The following PLCH1 variants were observed in gnomAD, a reference collection of about 807,000 sequenced individuals.
The protein encoded by PLCH1 is phospholipase C eta 1, also known as 1-phosphatidylinositol 4,5-bisphosphate phosphodiesterase eta-1.
PLCH1 carries 60 observed loss-of-function variants against 126.7 expected under a neutral mutation model. The observed-to-expected ratio is 0.47, with a 90% CI of 0.38 to 0.59. The LOEUF (loss-of-function observed/expected upper bound fraction) is 0.59, where lower values mean the gene tolerates loss of function less well. PLCH1 is among the 20% of genes least tolerant of loss of function. The pLI is 0.00. For synonymous variants in PLCH1, 719 were observed against 734.9 expected (o/e 0.98, Z 0.35); for missense variants, 1,723 against 2,040.0 (o/e 0.84, Z 2.99).
intron 21 of PLCH1, among the ~76,000 whole-genome samples, chr3:155,455,900 C>T (rs1200922092): frequency 2.6e-5 from 4 of 152,180 alleles, no homozygotes; most frequent in African/African-American, 9.7e-5. Flanking sequence ...CAAATGAGGA[C>T]TGATAAGCCC....
chr3:155,454,765 GC>G (rs1462832377), intron 21 of PLCH1, among the ~76,000 whole-genome samples: 2 of 152,158 alleles, frequency 1.3e-5, no homozygotes, highest in African/African-American at 4.8e-5. Flanking sequence ...AGAAGTCAAA[GC>G]TTTTTTTAAT....
At chr3:155,451,925 C>T (rs1267483874) in intron 21 of PLCH1, among the ~76,000 whole-genome samples, 1 of 152,164 alleles carries the variant, frequency 6.6e-6, no homozygotes, top group Non-Finnish European at 1.5e-5. Flanking sequence ...TATGTACCAT[C>T]AGCTCTTCTG....
chr3:155,492,045 C>A (rs183098691), intron 18 of PLCH1, among the ~76,000 whole-genome samples: 2 of 152,186 alleles, frequency 1.3e-5, no homozygotes, highest in South Asian at 2.1e-4. Flanking sequence ...GCATTTATGG[C>A]GGTACCAAAT....
chr3:155,721,903 C>A (rs138731195), intron 1 of PLCH1, among the ~76,000 whole-genome samples: 1 of 151,908 alleles, frequency 6.6e-6, no homozygotes, highest in Non-Finnish European at 1.5e-5. Context: ...CAAAATTAGC[C>A]GGGCATGGTG....
At chr3:155,566,693 A>C (rs1175906479) in intron 7 of PLCH1, among the ~76,000 whole-genome samples, 1 of 152,178 alleles carries the variant, frequency 6.6e-6, no homozygotes, top group Non-Finnish European at 1.5e-5. Context: ...ACTTTGAAAT[A>C]GTCCTTTAAG....
chr3:155,558,290 C>T lies in PLCH1; in HGVS notation c.1070-4094G>A, dbSNP rs576289452. ...GGACCTGAAATTTTCAACCCATGACCGGCTACATTCTATAAATTGTGTTCT... is the reference window on the plus strand; with the variant it reads ...GGACCTGAAATTTTCAACCCATGACTGGCTACATTCTATAAATTGTGTTCT... On this transcript the variant is annotated intron_variant, in intron 8 of 22. Transcript: ENST00000460012. 4.6e-5 allele frequency among the ~76,000 whole-genome samples: 7 copies of T among 152,286 alleles called. No homozygotes were observed. The South Asian group carries it at 6.2e-4, about 14-fold the overall frequency.
intron 10 of PLCH1, among the ~76,000 whole-genome samples, chr3:155,534,082 T>C (rs947799782): frequency 3.9e-5 from 6 of 152,188 alleles, no homozygotes; most frequent in African/African-American, 1.4e-4. Context: ...CACTGTGTAG[T>C]AAAGCTGTGA....
At chr3:155,627,463 T>C (rs1559864753) in intron 2 of PLCH1, among the ~76,000 whole-genome samples, 2 of 108,996 alleles carry the variant, frequency 1.8e-5, no homozygotes, top group African/African-American at 1.1e-4. Context: ...ACCCCGTCTC[T>C]ACCAAAAATA....
intron 2 of PLCH1, among the ~76,000 whole-genome samples, chr3:155,644,524 A>T (rs2108868966): frequency 6.6e-6 from 1 of 152,238 alleles, no homozygotes; most frequent in East Asian, 1.9e-4. Flanking sequence ...AATCACTTGA[A>T]CCTGGGAGGC....
intron 2 of PLCH1, among the ~76,000 whole-genome samples, chr3:155,665,192 C>G (rs1000715366): frequency 6.6e-6 from 1 of 152,234 alleles, no homozygotes; most frequent in Middle Eastern, 3.4e-3. Context: ...CAGAAGCAGC[C>G]TGGGCCGCTG....
At chr3:155,662,069 A>G (rs751470032) in intron 2 of PLCH1, among the ~76,000 whole-genome samples, 10 of 152,206 alleles carry the variant, frequency 6.6e-5, no homozygotes, top group Non-Finnish European at 1.2e-4. Context: ...CATCACCCAC[A>G]TAGTTCAATG....
At chr3:155,586,231 CA>C in intron 4 of PLCH1, 37 bp from the exon 5 acceptor site, 1 of 1,605,196 alleles carries the variant, frequency 6.2e-7, no homozygotes. Flanking sequence ...GTGCTCTCAT[CA>C]AAATTAAAAA....
intron 2 of PLCH1, among the ~76,000 whole-genome samples, chr3:155,643,133 G>C (rs1739600185): frequency 6.6e-6 from 1 of 152,108 alleles, no homozygotes; most frequent in Non-Finnish European, 1.5e-5. Flanking sequence ...ATTTTTAGTA[G>C]AGGCGGGGTT....
intron 2 of PLCH1, among the ~76,000 whole-genome samples, chr3:155,609,260 G>A (rs1338490199): frequency 6.6e-6 from 1 of 152,150 alleles, no homozygotes; most frequent in East Asian, 1.9e-4. Context: ...AGAGCCTGAT[G>A]CCCCACTGGG....
chr3:155,648,612 G>A (rs1740326094), intron 2 of PLCH1, among the ~76,000 whole-genome samples: 2 of 152,160 alleles, frequency 1.3e-5, no homozygotes, highest in Non-Finnish European at 2.9e-5. Context: ...GTATTTCTAG[G>A]TACTGAGAAT....
At chr3:155,485,966 C>T in intron 21 of PLCH1, 1 of 605,756 alleles carries the variant, frequency 1.7e-6, no homozygotes, top group Non-Finnish European at 2.9e-6. Context: ...CCAGAGATGA[C>T]AAAGTGGTAG....
chr3:155,683,258 T>C (rs1179372083), intron 2 of PLCH1, among the ~76,000 whole-genome samples: 3 of 152,184 alleles, frequency 2.0e-5, no homozygotes, highest in Non-Finnish European at 4.4e-5. Flanking sequence ...AGACTCTTGG[T>C]TTTCATTATT....
At chr3:155,517,619 A>T (rs1720522453) in intron 11 of PLCH1, among the ~76,000 whole-genome samples, 2 of 152,100 alleles carry the variant, frequency 1.3e-5, no homozygotes, top group African/African-American at 4.8e-5. Flanking sequence ...TCTTATGAGG[A>T]CATTGTCATT....
intron 2 of PLCH1, 95 bp from the exon 3 acceptor site, chr3:155,596,473 G>A: frequency 9.8e-7 from 1 of 1,020,362 alleles, no homozygotes. Flanking sequence ...TGATTCACCT[G>A]CAAAGACTCC....
Sources: gnomAD v4.1 joint callset for allele counts (sites outside exome capture counted in the v4.1 genomes callset) on GRCh38, gnomAD v4.1.1 for gene constraint, MANE v1.5 for transcripts, NCBI Gene and HGNC (gene_info 2026-07-23, HGNC 2026-07-21) for gene names.